GPM6A: variants seen among roughly 807,000 people sequenced by gnomAD.
GPM6A encodes the protein glycoprotein M6A, also known as neuronal membrane glycoprotein M6-a.
Under a neutral mutation model 32.1 loss-of-function variants are expected in GPM6A, and 7 were observed. The ratio of observed to expected loss-of-function variants is 0.22; its 90% CI spans 0.12 to 0.41. The LOEUF (loss-of-function observed/expected upper bound fraction) is 0.41. Ranked by LOEUF, GPM6A falls within the 10% of genes least tolerant of loss-of-function variation. The pLI, the probability that GPM6A is intolerant of heterozygous loss-of-function variation, is 1.00. For missense variants in GPM6A, 235 were observed against 347.2 expected, an observed-to-expected ratio of 0.68 and a Z score of 2.57; for synonymous variants, 130 against 123.4, an observed-to-expected ratio of 1.05 and a Z score of -0.35.
At chr4:175,764,274 C>A (rs930802109) in intron 1 of GPM6A, among the ~76,000 whole-genome samples, 1 of 152,196 alleles carries the variant, frequency 6.6e-6, no homozygotes, top group Non-Finnish European at 1.5e-5. Flanking sequence ...TACACACATG[C>A]TTTTATGCCT....
chr4:175,773,198 A>C (rs1045526554), intron 1 of GPM6A, among the ~76,000 whole-genome samples: 8 of 152,196 alleles, frequency 5.3e-5, no homozygotes, highest in Admixed American at 2.6e-4. Context: ...TCAGAAGAAC[A>C]ATTTTCTATA....
intron 4 of GPM6A, among the ~76,000 whole-genome samples, chr4:175,648,154 G>A (rs1741581433): frequency 6.6e-6 from 1 of 152,046 alleles, no homozygotes; most frequent in African/African-American, 2.4e-5. Flanking sequence ...ATGAACTAAT[G>A]AGATTGAAAT....
At chr4:175,776,959 CT>C (rs1356277827) in intron 1 of GPM6A, among the ~76,000 whole-genome samples, 1 of 152,156 alleles carries the variant, frequency 6.6e-6, no homozygotes. Context: ...AAAATACAAT[CT>C]TTGCAAAAAG....
rs34417872 is a variant in GPM6A at position 175,948,958 on chromosome 4, A to AGTGTGTGTGT, written c.-23+53341_-23+53350dup. Among the ~76,000 whole-genome samples, 113 of 144,810 alleles carry AGTGTGTGTGT rather than the reference A, an allele frequency of 7.8e-4. 1 individual carries two copies. Among genetic ancestry groups the AGTGTGTGTGT allele is most frequent in the Admixed American group, 4.5e-3 (64 of 14,192 alleles). ...ACCAACAAGACTGCATTTGGTGGTA[A>AGTGTGTGTGT]GTGTGTGTGTGTGTGTGTGTGTGTG... is the stretch of plus-strand genomic sequence containing the variant. On this transcript the variant is annotated intron_variant, in intron 1 of 7. Transcript: ENST00000280187.
intron 1 of GPM6A, among the ~76,000 whole-genome samples, chr4:175,881,371 T>C (rs915813132): frequency 4.6e-5 from 7 of 152,196 alleles, no homozygotes; most frequent in East Asian, 3.9e-4. Context: ...TGTGGAGAAA[T>C]AGGAACACTT....
chr4:175,969,348 A>T (rs150658404), intron 1 of GPM6A, among the ~76,000 whole-genome samples: 4 of 152,276 alleles, frequency 2.6e-5, no homozygotes, highest in Admixed American at 1.3e-4. Flanking sequence ...ATCATCATAC[A>T]TTTGTCAAAA....
intron 1 of GPM6A, among the ~76,000 whole-genome samples, chr4:175,949,510 A>G (rs1330528186): frequency 6.6e-6 from 1 of 152,208 alleles, no homozygotes; most frequent in Admixed American, 6.5e-5. Flanking sequence ...TAAAATCATC[A>G]TTAACTGTGT....
chr4:175,828,452 G>A (rs1391427099), intron 1 of GPM6A, among the ~76,000 whole-genome samples: 2 of 152,152 alleles, frequency 1.3e-5, no homozygotes, highest in African/African-American at 4.8e-5. Flanking sequence ...AAACTAAGAA[G>A]ATGACAATCT....
intron 1 of GPM6A, among the ~76,000 whole-genome samples, chr4:175,885,801 G>A (rs1737433951): frequency 1.3e-5 from 2 of 152,184 alleles, no homozygotes; most frequent in Non-Finnish European, 2.9e-5. Context: ...TTCAAATGGT[G>A]AAAACTAATT....
intron 1 of GPM6A, among the ~76,000 whole-genome samples, chr4:175,849,824 C>T (rs1736197842): frequency 6.6e-6 from 1 of 151,954 alleles, no homozygotes; most frequent in South Asian, 2.1e-4. Context: ...GAATATTGGT[C>T]CTACTAGATT....
intron 1 of GPM6A, among the ~76,000 whole-genome samples, chr4:175,745,396 C>A (rs549915188): frequency 1.4e-4 from 22 of 152,296 alleles, no homozygotes; most frequent in Non-Finnish European, 3.1e-4. Flanking sequence ...ACTTACTTTG[C>A]ATGTTTAATT....
At chr4:175,998,799 C>T (rs1224351769) in intron 1 of GPM6A, among the ~76,000 whole-genome samples, 1 of 152,166 alleles carries the variant, frequency 6.6e-6, no homozygotes, top group Admixed American at 6.5e-5. Flanking sequence ...CCCAGGATTA[C>T]TGTGACAACT....
At chr4:175,982,252 T>C (rs1740841729) in intron 1 of GPM6A, among the ~76,000 whole-genome samples, 1 of 152,170 alleles carries the variant, frequency 6.6e-6, no homozygotes, top group African/African-American at 2.4e-5. Context: ...GTCTTCCATT[T>C]TGATGGATAT....
chr4:175,851,226 G>A (rs555898771), intron 1 of GPM6A, among the ~76,000 whole-genome samples: 16 of 151,868 alleles, frequency 1.1e-4, no homozygotes, highest in East Asian at 3.9e-4. Flanking sequence ...GTGTGGTGGC[G>A]GGCACCTGTA....
intron 1 of GPM6A, among the ~76,000 whole-genome samples, chr4:175,897,360 A>G (rs887754815): frequency 1.3e-5 from 2 of 152,166 alleles, no homozygotes; most frequent in African/African-American, 4.8e-5. Context: ...ATCTCACTCC[A>G]GTGCCTCCCA....
chr4:175,833,478 C>T (rs1459961744), intron 1 of GPM6A, among the ~76,000 whole-genome samples: 1 of 152,136 alleles, frequency 6.6e-6, no homozygotes. Flanking sequence ...ATAGAGCAAT[C>T]TTCAATCCTT....
chr4:175,800,262 T>TA (rs778347376), intron 1 of GPM6A, among the ~76,000 whole-genome samples: 21 of 152,116 alleles, frequency 1.4e-4, no homozygotes, highest in African/African-American at 2.7e-4. Context: ...ATACAAAATA[T>TA]AAAAAACCCA....
intron 1 of GPM6A, among the ~76,000 whole-genome samples, chr4:175,721,697 T>A (rs190721105): frequency 6.6e-6 from 1 of 152,218 alleles, no homozygotes; most frequent in Non-Finnish European, 1.5e-5. Flanking sequence ...ATATTCTGTA[T>A]TCTCGATGAA....
chr4:175,694,920 C>T (rs762313113), intron 2 of GPM6A, among the ~76,000 whole-genome samples: 8 of 152,162 alleles, frequency 5.3e-5, no homozygotes, highest in African/African-American at 1.9e-4. Flanking sequence ...CTACTCTGCA[C>T]AGCCTCAGGA....
Sources: allele counts gnomAD v4.1 joint callset (sites outside exome capture counted in the v4.1 genomes callset), GRCh38; gene constraint gnomAD v4.1.1; transcripts MANE v1.5; gene names NCBI Gene and HGNC (gene_info 2026-07-23, HGNC 2026-07-21).